The following FAF1 variants were observed in gnomAD, a reference collection of about 807,000 sequenced individuals.
FAF1 encodes FAS-associated factor 1.
Under a neutral mutation model 92.5 loss-of-function variants are expected in FAF1, and 25 were observed. The observed-to-expected ratio is 0.27, with a 90% confidence interval of 0.20 to 0.38. The LOEUF is 0.38. Among genes scored for constraint, FAF1 ranks in the 10% least tolerant of loss-of-function variants. The pLI, the probability that FAF1 is intolerant of heterozygous loss-of-function variation, is 1.00. For synonymous variants in FAF1, 234 were observed against 273.2 expected, an observed-to-expected ratio of 0.86 and a Z score of 1.42; for missense variants, 636 against 793.3, an observed-to-expected ratio of 0.80 and a Z score of 2.38.
At chr1:50,889,528 T>A (rs1485599408) in intron 1 of FAF1, among the ~76,000 whole-genome samples, 2 of 152,374 alleles carry the variant, frequency 1.3e-5, no homozygotes, top group Non-Finnish European at 2.9e-5. Flanking sequence ...CTCTACACAC[T>A]GCTTTAAATG....
intron 1 of FAF1, among the ~76,000 whole-genome samples, chr1:50,914,890 C>G (rs1644909155): frequency 6.6e-6 from 1 of 152,188 alleles, no homozygotes. Context: ...TTTTCACCAG[C>G]CTAGACTAAG....
intron 5 of FAF1, 75 bp from the exon 6 acceptor site, chr1:50,739,029 GAAA>G: frequency 1.1e-6 from 1 of 944,578 alleles, no homozygotes; most frequent in East Asian, 2.7e-5. Flanking sequence ...TGTAATTCTT[GAAA>G]AATTGTTAAT....
intron 6 of FAF1, among the ~76,000 whole-genome samples, chr1:50,716,349 T>G (rs1395123006): frequency 6.6e-6 from 1 of 152,162 alleles, no homozygotes; most frequent in African/African-American, 2.4e-5. Context: ...AGCCCACCTA[T>G]TAATACATTA....
intron 8 of FAF1, among the ~76,000 whole-genome samples, chr1:50,614,612 G>A (rs576319929): frequency 6.6e-6 from 1 of 152,190 alleles, no homozygotes; most frequent in Non-Finnish European, 1.5e-5. Context: ...GGCCAAGGTG[G>A]GCGGATTACC....
intron 13 of FAF1, among the ~76,000 whole-genome samples, chr1:50,542,677 G>T (rs957931606): frequency 3.3e-5 from 5 of 152,146 alleles, no homozygotes; most frequent in Non-Finnish European, 5.9e-5. Context: ...AACCCAAAGT[G>T]GGGAAGCAAG....
intron 2 of FAF1, among the ~76,000 whole-genome samples, chr1:50,850,971 C>T (rs1459787416): frequency 6.6e-6 from 1 of 151,970 alleles, no homozygotes; most frequent in African/African-American, 2.4e-5. Context: ...GTTTAAACTT[C>T]CAGTAATAGA....
chr1:50,463,678 C>T (rs1646460316), intron 18 of FAF1, among the ~76,000 whole-genome samples: 1 of 152,310 alleles, frequency 6.6e-6, no homozygotes, highest in Admixed American at 6.5e-5. Flanking sequence ...TGCACAAGGT[C>T]TGGCGTGGAA....
intron 13 of FAF1, among the ~76,000 whole-genome samples, chr1:50,540,447 T>G (rs913681762): frequency 9.2e-5 from 14 of 152,188 alleles, no homozygotes; most frequent in Non-Finnish European, 2.9e-5. Context: ...GTCTTCAGAA[T>G]CAACAACTGT....
Position 50,489,770 on chromosome 1 carries a change from T to C in FAF1, c.1653+818A>G, listed in dbSNP as rs377267981. ...CCATATTTGGGAGCTCAATGCAAGA[T>C]GTTACAAAAGTAACTCACAGTATCT... On this transcript the variant is annotated intron_variant, in intron 17 of 18. Transcript: ENST00000396153. 2.0e-4 allele frequency among the ~76,000 whole-genome samples: 30 copies of C among 152,342 alleles called. No homozygotes were observed. The South Asian group carries it at 5.2e-3, about 26-fold the overall frequency.
At chr1:50,810,693 T>C (rs2124604971) in intron 2 of FAF1, among the ~76,000 whole-genome samples, 1 of 152,320 alleles carries the variant, frequency 6.6e-6, no homozygotes, top group East Asian at 1.9e-4. Context: ...ATAGTTTCTG[T>C]CCAAAAGCTA....
At chr1:50,922,935 G>T (rs1373912025) in intron 1 of FAF1, among the ~76,000 whole-genome samples, 2 of 146,626 alleles carry the variant, frequency 1.4e-5, no homozygotes, top group African/African-American at 2.5e-5. Flanking sequence ...TGAAAATGAA[G>T]TCATCATAAC....
At chr1:50,527,459 C>T (rs1384939701) in intron 15 of FAF1, among the ~76,000 whole-genome samples, 2 of 152,132 alleles carry the variant, frequency 1.3e-5, no homozygotes, top group Non-Finnish European at 2.9e-5. Flanking sequence ...TCACTTTCTT[C>T]GTGGTGTCCT....
chr1:50,498,103 C>T (rs1212860200), intron 15 of FAF1, among the ~76,000 whole-genome samples: 1 of 152,010 alleles, frequency 6.6e-6, no homozygotes, highest in African/African-American at 2.4e-5. Flanking sequence ...AGAAAGAAAT[C>T]CTCACATATA....
At chr1:50,493,415 C>G (rs1425935004) in intron 15 of FAF1, among the ~76,000 whole-genome samples, 1 of 152,084 alleles carries the variant, frequency 6.6e-6, no homozygotes, top group African/African-American at 2.4e-5. Context: ...TGTAATCAAC[C>G]AACTATGAGA....
rs541671131 is a variant in FAF1, at chr1:50,723,559, C to T, written c.551+15304G>A. ...AGGAGAGTAGAGTGGCTAGAATGGC[C>T]TCAGTACAGGATGACAGAGAGAAAT... On this transcript the variant is annotated intron_variant, in intron 6 of 18. Coordinates refer to ENST00000396153, the MANE Select transcript of FAF1 (RefSeq NM_007051.3). Among the ~76,000 whole-genome samples, 5 of 152,106 alleles carry T rather than the reference C, an allele frequency of 3.3e-5. No individual in the cohort carries two copies. In the South Asian group the frequency reaches 8.3e-4, roughly 25 times the overall value.
intron 1 of FAF1, among the ~76,000 whole-genome samples, chr1:50,924,184 A>C (rs553517005): frequency 1.2e-4 from 19 of 152,286 alleles, no homozygotes; most frequent in African/African-American, 3.6e-4. Flanking sequence ...TTCACCAAAA[A>C]ACTCAGAACT....
chr1:50,702,178 C>T (rs1185294837), intron 7 of FAF1, among the ~76,000 whole-genome samples: 1 of 152,052 alleles, frequency 6.6e-6, no homozygotes, highest in African/African-American at 2.4e-5. Flanking sequence ...ACTTCATATC[C>T]TTTTCCACAC....
In FAF1 at chr1:50,824,240, A is replaced by T. The variant is rs185024542; in HGVS notation, c.115-22563T>A. 2.9e-3 allele frequency among the ~76,000 whole-genome samples: 446 copies of T among 152,292 alleles called. 1 individual carries two copies. Among genetic ancestry groups the T allele is most frequent in the Non-Finnish European group, 5.0e-3 (340 of 67,986 alleles). On this transcript the variant is annotated intron_variant, in intron 2 of 18. Coordinates refer to ENST00000396153, the MANE Select transcript of FAF1 (RefSeq NM_007051.3). ...ATTCAAGTTAATTTATTTTAAAAGC[A>T]TCTAGGCTTATCCATTCCAGTAGGC...
intron 6 of FAF1, among the ~76,000 whole-genome samples, chr1:50,729,034 C>CTATATATATATA: frequency 1.1e-5 from 1 of 88,088 alleles, no homozygotes; most frequent in African/African-American, 4.9e-5. Context: ...ATCTATCTAT[C>CTATATATATATA]TATATATATA....
Sources: gnomAD v4.1 joint callset for allele counts (sites outside exome capture counted in the v4.1 genomes callset) on GRCh38, gnomAD v4.1.1 for gene constraint, MANE v1.5 for transcripts, NCBI Gene and HGNC (gene_info 2026-07-23, HGNC 2026-07-21) for gene names.